ACSM6: variants seen among roughly 807,000 people sequenced by gnomAD.
The protein encoded by ACSM6 is acyl-coenzyme A synthetase ACSM6, mitochondrial.
In ACSM6, 35 loss-of-function variants were observed where a neutral mutation model predicts 51.1. The ratio of observed to expected loss-of-function variants is 0.69; its 90% CI spans 0.52 to 0.91. ACSM6 has a LOEUF of 0.91. ACSM6 is among the 40% of genes least tolerant of loss of function. The probability of loss-of-function intolerance (pLI) is 0.00; values close to 1 mark genes in which losing one functional copy is unlikely to be tolerated. For missense variants in ACSM6, 509 were observed against 584.1 expected (o/e 0.87, Z 1.32); for synonymous variants, 172 against 207.3 (o/e 0.83, Z 1.46).
exon 4 of ACSM6, chr10:95,207,270 A>T: frequency 6.2e-7 from 1 of 1,614,142 alleles, no homozygotes; most frequent in Non-Finnish European, 8.5e-7. Context: ...TCAATTACGC[A>T]TGTCTAAGGC....
intron 2 of ACSM6, among the ~76,000 whole-genome samples, chr10:95,200,510 AGAG>A (rs1372201604): frequency 6.6e-6 from 1 of 151,886 alleles, no homozygotes; most frequent in Admixed American, 6.6e-5. Flanking sequence ...AAGAAGAAGA[AGAG>A]GAAGAGGAAG....
intron 3 of ACSM6, 97 bp downstream of exon 3, chr10:95,202,292 ATGCCTGAATTC>A: frequency 9.1e-7 from 1 of 1,101,720 alleles, no homozygotes; most frequent in South Asian, 1.4e-5. Context: ...TCTCTATCTG[ATGCCTGAATTC>A]TTCCCACAGT....
intron 2 of ACSM6, among the ~76,000 whole-genome samples, chr10:95,199,858 G>T (rs2034774683): frequency 6.6e-6 from 1 of 152,228 alleles, no homozygotes; most frequent in Non-Finnish European, 1.5e-5. Context: ...AACAATAGGT[G>T]CTGGAGAGGA....
chr10:95,224,575 T>A (rs1357352853), intron 9 of ACSM6, among the ~76,000 whole-genome samples: 1 of 152,222 alleles, frequency 6.6e-6, no homozygotes, highest in East Asian at 1.9e-4. Context: ...TAATTTTGTA[T>A]TTTTAGTAGA....
chr10:95,210,014 T>C (rs943347030), intron 4 of ACSM6, among the ~76,000 whole-genome samples: 1 of 152,246 alleles, frequency 6.6e-6, no homozygotes, highest in Non-Finnish European at 1.5e-5. Flanking sequence ...TCCTAAATCA[T>C]ACTGGGAATA....
intron 2 of ACSM6, chr10:95,201,583 C>T: frequency 2.2e-6 from 1 of 456,784 alleles, no homozygotes; most frequent in Non-Finnish European, 4.4e-6. Context: ...TTGATTCCAT[C>T]ACTTTGCTAT....
At chr10:95,210,881 T>G in intron 5 of ACSM6, 88 bp downstream of exon 5, 3 of 1,442,068 alleles carry the variant, frequency 2.1e-6, no homozygotes, top group Non-Finnish European at 2.8e-6. Context: ...AAGAAAGGAG[T>G]TTCTTACTCA....
chr10:95,215,017 T>C (rs756998239), intron 8 of ACSM6, 42 bp downstream of exon 8: 108 of 1,548,596 alleles, frequency 7.0e-5, no homozygotes, highest in Non-Finnish European at 9.3e-5. Context: ...AAACCAAACT[T>C]GCCCATTCAC....
chr10:95,210,444 G>A (rs536672328), intron 4 of ACSM6, among the ~76,000 whole-genome samples: 1 of 152,254 alleles, frequency 6.6e-6, no homozygotes, highest in East Asian at 1.9e-4. Context: ...GCGTATAAAT[G>A]CATCATATAT....
rs1297337461 is a variant in ACSM6 at position 95,201,538 on chromosome 10, G to T, written c.193-447G>T. The T allele has an allele frequency of 1.3e-5, 6 of 454,592 alleles. No homozygotes were observed. In the Admixed American group the frequency reaches 1.4e-4, roughly 11 times the overall value. The allele number at this position is 454,592 out of a possible 1,614,324, so 28.2% of individuals were successfully genotyped here. ...TTCCATGTTGTATGTATACCACATT[G>T]TCTTTATCCAATCATCCACTGATGG... On this transcript the variant is annotated intron_variant, in intron 2 of 10. Coordinates refer to ENST00000341686, the Ensembl canonical transcript of ACSM6.
chr10:95,225,401 T>G lies in ACSM6; in HGVS notation c.1302+10T>G. On this transcript the variant is annotated intron_variant, in intron 10 of 10. Coordinates refer to ENST00000341686, the Ensembl canonical transcript of ACSM6. ...GTACTGTCCACACATGGTAAGAAAA[T>G]TTTCTTCTTTCCTAAATACTTTCAT... 3.3e-6 allele frequency: 5 copies of G among 1,499,448 alleles called. No homozygotes were observed. The highest frequency in any genetic ancestry group is 4.5e-6 in the Non-Finnish European group (5 of 1,110,826). The allele number at this position is 1,499,448 out of a possible 1,614,324, so 92.9% of individuals were successfully genotyped here.
At chr10:95,227,868 G>A (rs1589500221) in intron 10 of ACSM6, among the ~76,000 whole-genome samples, 1 of 152,260 alleles carries the variant, frequency 6.6e-6, no homozygotes, top group East Asian at 1.9e-4. Flanking sequence ...AGGAGTTTGA[G>A]AGCAGCCTGG....
intron 7 of ACSM6, 120 bp from the exon 8 acceptor site, chr10:95,214,732 A>C (rs2034926977): frequency 1.7e-6 from 2 of 1,153,208 alleles, no homozygotes; most frequent in Non-Finnish European, 1.2e-6. Context: ...ATCAACCACC[A>C]CTTAATGAGC....
chr10:95,219,773 G>C (rs1039146750), intron 8 of ACSM6, 118 bp from the exon 9 acceptor site: 70 of 713,224 alleles, frequency 9.8e-5, no homozygotes, highest in Non-Finnish European at 1.6e-4. Context: ...AAGATTACTT[G>C]TTAGACTGTG....
At chr10:95,210,716 C>G (rs1256614562) in exon 5 of ACSM6, 1 of 1,613,830 alleles carries the variant, frequency 6.2e-7, no homozygotes, top group Non-Finnish European at 8.5e-7. Context: ...TATTCTTCAC[C>G]AAGGGTACAA....
At chr10:95,198,083 G>T (rs4113261) in intron 2 of ACSM6, among the ~76,000 whole-genome samples, 4 of 152,200 alleles carry the variant, frequency 2.6e-5, no homozygotes, top group Non-Finnish European at 4.4e-5. Flanking sequence ...GGGCAAAGTG[G>T]CTGGGGCAAA....
intron 6 of ACSM6, 148 bp downstream of exon 6, chr10:95,212,182 A>G: frequency 2.1e-6 from 2 of 958,454 alleles, no homozygotes; most frequent in South Asian, 3.3e-5. Context: ...CCTGCTTGTG[A>G]GAGCAATGCT....
At chr10:95,196,301 G>A (rs940245600) in intron 2 of ACSM6, among the ~76,000 whole-genome samples, 6 of 152,168 alleles carry the variant, frequency 3.9e-5, no homozygotes, top group African/African-American at 1.4e-4. Context: ...TGGGTGCCAA[G>A]GAATTCAGAG....
At chr10:95,205,619 T>C (rs2034832337) in intron 3 of ACSM6, among the ~76,000 whole-genome samples, 1 of 152,132 alleles carries the variant, frequency 6.6e-6, no homozygotes, top group South Asian at 2.1e-4. Context: ...CAAAGACAAA[T>C]GCCAAAATCG....
Sources: gnomAD v4.1 joint callset for allele counts (sites outside exome capture counted in the v4.1 genomes callset) on GRCh38, gnomAD v4.1.1 for gene constraint, MANE v1.5 for transcripts, NCBI Gene and HGNC (gene_info 2026-07-23, HGNC 2026-07-21) for gene names.